Variants in ARHGEF3 observed in about 807,000 individuals in gnomAD.
ARHGEF3 encodes the protein 59.8 kDA protein.
Under a neutral mutation model 63.2 loss-of-function variants are expected in ARHGEF3, and 28 were observed. The observed-to-expected ratio is 0.44, with a 90% CI of 0.33 to 0.61. The LOEUF (loss-of-function observed/expected upper bound fraction) is 0.61. Among genes scored for constraint, ARHGEF3 ranks in the 20% least tolerant of loss-of-function variants. The pLI is 0.03. For missense variants in ARHGEF3, 533 were observed against 659.3 expected, an observed-to-expected ratio of 0.81 and a Z score of 2.10; for synonymous variants, 266 against 254.2, an observed-to-expected ratio of 1.05 and a Z score of -0.44.
intron 2 of ARHGEF3, among the ~76,000 whole-genome samples, chr3:56,981,036 C>G (rs996802937): frequency 6.6e-6 from 1 of 152,222 alleles, no homozygotes; most frequent in African/African-American, 2.4e-5. Flanking sequence ...CTGGCCCCTG[C>G]AGACGTCTGA....
chr3:56,874,777 G>C (rs1360062218), intron 4 of ARHGEF3, among the ~76,000 whole-genome samples: 2 of 152,158 alleles, frequency 1.3e-5, no homozygotes, highest in Non-Finnish European at 2.9e-5. Flanking sequence ...TCCTGTCCTG[G>C]AGGTGGTGTG....
chr3:56,854,143 C>T (rs912949515), intron 4 of ARHGEF3, among the ~76,000 whole-genome samples: 6 of 152,010 alleles, frequency 3.9e-5, no homozygotes, highest in Admixed American at 2.6e-4. Flanking sequence ...TACAGTGAGC[C>T]GAGATGGCGC....
chr3:56,842,621 T>A (rs2039350314), intron 4 of ARHGEF3, among the ~76,000 whole-genome samples: 1 of 152,178 alleles, frequency 6.6e-6, no homozygotes, highest in Non-Finnish European at 1.5e-5. Context: ...CCCTGCCCCC[T>A]ACAATCATGT....
rs552192576 is a variant in ARHGEF3 at position 56,759,336 on chromosome 3, C to T, written c.205-4185G>A. ...GGGACTACAGGAGCCCGCCACCAGG[C>T]CCAGCTAATTTTTTTGTATTTTTAG... On this transcript the variant is annotated intron_variant, in intron 2 of 9. Transcript: ENST00000296315. Among the ~76,000 whole-genome samples the T allele has an allele frequency of 7.2e-5, 11 of 152,070 alleles. No individual in the cohort carries two copies. The East Asian group carries it at 1.7e-3, about 24-fold the overall frequency.
chr3:56,910,491 T>A (rs958820879), intron 3 of ARHGEF3, among the ~76,000 whole-genome samples: 2 of 152,146 alleles, frequency 1.3e-5, no homozygotes, highest in African/African-American at 4.8e-5. Context: ...TGATATAATA[T>A]AATCTCAGAC....
intron 3 of ARHGEF3, among the ~76,000 whole-genome samples, chr3:56,935,078 T>C (rs1474079427): frequency 6.6e-6 from 1 of 151,880 alleles, no homozygotes; most frequent in African/African-American, 2.4e-5. Context: ...AGAACCTTTA[T>C]GTCTAGCTCA....
In ARHGEF3 at chr3:56,763,102, T is replaced by C. The variant is rs139415415; in HGVS notation, c.205-7951A>G. On this transcript the variant is annotated intron_variant, in intron 2 of 9. Transcript: ENST00000296315. ...CATAGGCTTTGGAGTAAAACAGGCATGGCTTCAAGTTGATTCAATGGCTGA... is the reference window on the plus strand; with the variant it reads ...CATAGGCTTTGGAGTAAAACAGGCACGGCTTCAAGTTGATTCAATGGCTGA... Among the ~76,000 whole-genome samples the C allele has an allele frequency of 3.6e-3, 552 of 152,280 alleles. 4 individuals are homozygous for C. The highest frequency in any genetic ancestry group is 0.012 in the African/African-American group (518 of 41,562).
chr3:57,028,826 G>A (rs1703596982), intron 2 of ARHGEF3, among the ~76,000 whole-genome samples: 1 of 151,988 alleles, frequency 6.6e-6, no homozygotes, highest in Admixed American at 6.6e-5. Flanking sequence ...CCCCTCAGGA[G>A]GTGCCCCAAA....
At chr3:56,741,167 A>C (rs959587619) in intron 7 of ARHGEF3, among the ~76,000 whole-genome samples, 3 of 147,324 alleles carry the variant, frequency 2.0e-5, no homozygotes, top group African/African-American at 5.0e-5. Context: ...TGAGAATCTT[A>C]TCTCTCTGCT....
chr3:56,798,766 T>A (rs969116074), intron 1 of ARHGEF3, among the ~76,000 whole-genome samples: 1 of 152,186 alleles, frequency 6.6e-6, no homozygotes, highest in Non-Finnish European at 1.5e-5. Context: ...GCATCAAAGA[T>A]CAGAAGAAAT....
At chr3:56,998,612 T>C (rs916476625) in intron 2 of ARHGEF3, among the ~76,000 whole-genome samples, 4 of 152,114 alleles carry the variant, frequency 2.6e-5, no homozygotes, top group Non-Finnish European at 5.9e-5. Flanking sequence ...GCCCAGGGAC[T>C]TCACAGACCA....
intron 2 of ARHGEF3, among the ~76,000 whole-genome samples, chr3:57,010,248 A>T (rs1240318536): frequency 6.6e-6 from 1 of 152,052 alleles, no homozygotes. Flanking sequence ...AGGTCAGGAG[A>T]TAGAGACCAT....
chr3:56,946,604 C>A (rs561952904), intron 3 of ARHGEF3, among the ~76,000 whole-genome samples: 1 of 152,240 alleles, frequency 6.6e-6, no homozygotes, highest in South Asian at 2.1e-4. Flanking sequence ...ACGAACAAAG[C>A]CTCCAAGAAA....
rs397712262 is a variant in ARHGEF3 at position 56,779,486 on chromosome 3, AT to A, written c.97-5671del. The stretch of plus-strand genomic sequence containing the variant: ...ATGTCAAAATAAAAAGTTTTTTTTT[AT>A]TTTTTTTTTTTGTTTGTTTTTTTGA... On this transcript the variant is annotated intron_variant, in intron 1 of 9. Coordinates refer to ENST00000296315, the MANE Select transcript of ARHGEF3 (RefSeq NM_019555.3). 7.2e-3 allele frequency among the ~76,000 whole-genome samples: 1,078 copies of A among 149,832 alleles called. 12 individuals carry two copies. The highest frequency in any genetic ancestry group is 0.024 in the African/African-American group (981 of 41,004).
intron 1 of ARHGEF3, among the ~76,000 whole-genome samples, chr3:56,784,128 G>C (rs572983192): frequency 3.9e-5 from 6 of 152,300 alleles, no homozygotes; most frequent in African/African-American, 1.2e-4. Context: ...GCGGTCCCTG[G>C]CTCCACATCT....
intron 2 of ARHGEF3, among the ~76,000 whole-genome samples, chr3:56,961,819 G>A (rs1419163645): frequency 6.6e-6 from 1 of 152,112 alleles, no homozygotes; most frequent in African/African-American, 2.4e-5. Context: ...AAGGTGGGAG[G>A]ATCACTTGAA....
chr3:56,949,029 A>G (rs1385296386), intron 3 of ARHGEF3, among the ~76,000 whole-genome samples: 1 of 152,070 alleles, frequency 6.6e-6, no homozygotes, highest in Non-Finnish European at 1.5e-5. Flanking sequence ...GACAAAAACC[A>G]TATGATTATC....
rs534187681 is a variant in ARHGEF3 at position 56,996,890 on chromosome 3, A to ATT, written c.63-38003_63-38002dup. ...AAACATTATTATTATTATTATTATT[A>ATT]TTTTTTTTTTTTTTTGCAATTTGCT... On this transcript the variant is annotated intron_variant, in intron 2 of 12. Coordinates refer to the ARHGEF3 transcript ENST00000338458. 4.1e-3 allele frequency among the ~76,000 whole-genome samples: 554 copies of ATT among 136,480 alleles called. 5 individuals carry two copies. The highest frequency in any genetic ancestry group is 5.1e-3 in the Admixed American group (70 of 13,604). The allele number at this position is 136,480 out of a possible 152,430, so 89.5% of individuals were successfully genotyped here. A position where few individuals can be genotyped will look rare whatever the true frequency, so the allele number is the denominator to read the frequency against.
chr3:56,812,608 G>T (rs1243668454), intron 4 of ARHGEF3, among the ~76,000 whole-genome samples: 1 of 152,148 alleles, frequency 6.6e-6, no homozygotes, highest in African/African-American at 2.4e-5. Flanking sequence ...AACTTGCCAT[G>T]CTCACACCTA....
Sources: gnomAD v4.1 joint callset for allele counts (sites outside exome capture counted in the v4.1 genomes callset) on GRCh38, gnomAD v4.1.1 for gene constraint, MANE v1.5 for transcripts, NCBI Gene and HGNC (gene_info 2026-07-23, HGNC 2026-07-21) for gene names.